Variants in ATP1B2 observed in about 807,000 individuals in gnomAD.
The protein encoded by ATP1B2 is ATPase Na+/K+ transporting subunit beta 2, also known as sodium/potassium-transporting ATPase subunit beta-2.
In ATP1B2, 12 loss-of-function variants were observed where a neutral mutation model predicts 37.3. The observed-to-expected ratio is 0.32, with a 90% CI of 0.21 to 0.52. The LOEUF (loss-of-function observed/expected upper bound fraction) is 0.52, where lower values mean the gene tolerates loss of function less well. ATP1B2 is among the 20% of genes least tolerant of loss of function. ATP1B2 has a pLI of 0.96. For synonymous variants in ATP1B2, 139 were observed against 140.5 expected (o/e 0.99, Z 0.07); for missense variants, 324 against 391.6 (o/e 0.83, Z 1.46).
chr17:7,649,213 C>T (rs1326761444), upstream of ATP1B2, among the ~76,000 whole-genome samples: 4 of 151,722 alleles, frequency 2.6e-5, no homozygotes, highest in African/African-American at 4.8e-5. Flanking sequence ...CCACCGCACC[C>T]GGCTAATTTT....
At position 7,654,476 on chromosome 17, in the gene ATP1B2, C is replaced by T; in HGVS notation, c.553-152C>T. On this transcript the variant is annotated intron_variant, in intron 4 of 6. Coordinates refer to ENST00000250111, the MANE Select transcript of ATP1B2 (RefSeq NM_001678.5). The surrounding 1 kb of genome is among the most constrained non-coding windows in gnomAD (Gnocchi z 4.9). ...TTTTAGACAGGGTCTTGCTATGTTG[C>T]CCAGGCTGGCCTTGAACTCCTGGAA... 1.0e-6 allele frequency: 1 copy of T among 990,706 alleles called. No homozygotes were observed. Among genetic ancestry groups the T allele is most frequent in the East Asian group, 2.4e-5 (1 of 41,880 alleles). The allele number at this position is 990,706 out of a possible 1,614,324, so 61.4% of individuals were successfully genotyped here. A position where few individuals can be genotyped will look rare whatever the true frequency, so the allele number is the denominator to read the frequency against.
At chr17:7,647,674 C>G (rs998424406), upstream of ATP1B2, among the ~76,000 whole-genome samples, 1 of 152,140 alleles carries the variant, frequency 6.6e-6, no homozygotes, top group African/African-American at 2.4e-5. Context: ...CAAAAATTAG[C>G]CAGGCGTGGT....
At position 7,651,425 on chromosome 17, in the gene ATP1B2, C is replaced by G; in HGVS notation, c.-94C>G. The G allele has an allele frequency of 3.4e-6, 4 of 1,164,334 alleles. No homozygotes were observed. The highest frequency in any genetic ancestry group is 3.7e-6 in the Non-Finnish European group (3 of 806,606). 72.1% of individuals were successfully genotyped at this position (1,164,334 alleles called of 1,614,324 possible). A position where few individuals can be genotyped will look rare whatever the true frequency, so the allele number is the denominator to read the frequency against. ...CTTTGCCCGCGCCGCCTTCGCTCCC[C>G]GTGCTTTTGGGTGTGTGGAGGGCTT... On this transcript the variant is annotated 5_prime_UTR_variant, in exon 1 of 7. Coordinates refer to ENST00000250111, the MANE Select transcript of ATP1B2 (RefSeq NM_001678.5).
At chr17:7,649,410 C>G (rs182181853), upstream of ATP1B2, among the ~76,000 whole-genome samples, 1 of 151,280 alleles carries the variant, frequency 6.6e-6, no homozygotes, top group East Asian at 2.0e-4. Context: ...TTTTTTGAGA[C>G]GAAGTCTCAC....
In ATP1B2 at chr17:7,654,739, C is replaced by A; in HGVS notation, c.609+55C>A. 1 of 1,577,548 alleles carries A rather than the reference C, an allele frequency of 6.3e-7. No individual in the cohort carries two copies. Among genetic ancestry groups the A allele is most frequent in the Non-Finnish European group, 8.7e-7 (1 of 1,146,846 alleles). On this transcript the variant is annotated intron_variant, in intron 5 of 6. Transcript: ENST00000250111. The surrounding 1 kb of genome is among the most constrained non-coding windows in gnomAD (Gnocchi z 4.9). ...CACCTGAGTGGCTCACCTGAGTGTCCTTCATGGTTTCTGTGTAATTCACCT... is the reference window on the plus strand; with the variant it reads ...CACCTGAGTGGCTCACCTGAGTGTCATTCATGGTTTCTGTGTAATTCACCT...
In ATP1B2 at chr17:7,655,307, C is replaced by G. The variant is rs2072642618; in HGVS notation, c.610-220C>G. On this transcript the variant is annotated intron_variant, in intron 5 of 6. Transcript: ENST00000250111. This position sits in a 1 kb window ranked among gnomAD's most constrained non-coding sequence, Gnocchi z 4.4. Reference sequence around the variant, plus strand: ...TAGGAGGCTTTCGTGCCATTAGCAGCCTTCAGGAGTTCCTAGAATGATGAC... The same window carrying G: ...TAGGAGGCTTTCGTGCCATTAGCAGGCTTCAGGAGTTCCTAGAATGATGAC... 5.1e-6 allele frequency: 3 copies of G among 590,506 alleles called. No individual in the cohort carries two copies. Among genetic ancestry groups the G allele is most frequent in the Admixed American group, 3.0e-5 (1 of 32,834 alleles). The allele number at this position is 590,506 out of a possible 1,614,324, so 36.6% of individuals were successfully genotyped here. A position where few individuals can be genotyped will look rare whatever the true frequency, so the allele number is the denominator to read the frequency against.
Position 7,654,551 on chromosome 17 carries a change from C to T in ATP1B2, c.553-77C>T, listed in dbSNP as rs1295582528. 9.3e-6 allele frequency: 14 copies of T among 1,504,564 alleles called. No individual in the cohort carries two copies. The South Asian group carries it at 1.5e-4, about 16-fold the overall frequency. 93.2% of individuals were successfully genotyped at this position (1,504,564 alleles called of 1,614,324 possible). On this transcript the variant is annotated intron_variant, in intron 4 of 6. Transcript: ENST00000250111. This position sits in a 1 kb window ranked among gnomAD's most constrained non-coding sequence, Gnocchi z 4.9. ...TCCCTAGTAGTTGGGACTACAGTCC[C>T]CGGCTTAGCTTGGTCTGGATGCCCA...
At chr17:7,653,535 TA>T in intron 2 of ATP1B2, 33 bp downstream of exon 2, 1 of 1,611,538 alleles carries the variant, frequency 6.2e-7, no homozygotes, top group Non-Finnish European at 8.5e-7. Context: ...CCAGCTACTC[TA>T]ACTGCTCTTG....
At position 7,655,871 on chromosome 17, in the gene ATP1B2, C is replaced by T. The variant is rs2072647975; in HGVS notation, c.849C>T (p.Phe283=). Residue 283 remains phenylalanine (F), a synonymous_variant, in exon 7 of 7, where the codon TTC becomes TTT. Transcript: ENST00000250111. The surrounding 1 kb of genome is among the most constrained non-coding windows in gnomAD (Gnocchi z 4.4). The stretch of plus-strand genomic sequence containing the variant: ...ACAAGTTCGCCGGCCGCGTGGCCTT[C>T]AAACTCCGCATCAACAAAACCTGAG... The part of the protein sequence containing the change: ...ERDKFAGRVA[F]KLRINKT 6.2e-7 allele frequency: 1 copy of T among 1,614,058 alleles called. No individual in the cohort carries two copies. Among genetic ancestry groups the T allele is most frequent in the Non-Finnish European group, 8.5e-7 (1 of 1,180,044 alleles).
At position 7,653,474 on chromosome 17, in the gene ATP1B2, C is replaced by G. The variant is rs2072627076; in HGVS notation, c.213C>G (p.Pro71=). ...TGCAGACTGTCTCCGACCATACCCC[C>G]AAGTACCAGGACCGACTGGCCACAC... ...VMLQTVSDHT[P]KYQDRLATPG... Residue 71 remains proline (P), a synonymous_variant, in exon 2 of 7, where the codon CCC becomes CCG. Transcript: ENST00000250111. 3 of 1,614,148 alleles carry G rather than the reference C, an allele frequency of 1.9e-6. No individual in the cohort carries two copies.
In ATP1B2 at chr17:7,654,398, G is replaced by A. The variant is rs2072635899; in HGVS notation, c.552+141G>A. ...GTAGCTGAGAGAAAAAGAGAGGTGG[G>A]ACTCTTGGAGGCTAAGCTCTGCAGT... On this transcript the variant is annotated intron_variant, in intron 4 of 6. Transcript: ENST00000250111. This position sits in a 1 kb window ranked among gnomAD's most constrained non-coding sequence, Gnocchi z 4.9. The A allele has an allele frequency of 1.8e-6, 2 of 1,131,302 alleles. No homozygotes were observed. Among genetic ancestry groups the A allele is most frequent in the African/African-American group, 3.1e-5 (2 of 64,552 alleles). The allele number at this position is 1,131,302 out of a possible 1,614,324, so 70.1% of individuals were successfully genotyped here.
chr17:7,655,694 C>A lies in ATP1B2; in HGVS notation c.709-37C>A, dbSNP rs2072645814. The A allele has an allele frequency of 6.2e-7, 1 of 1,613,742 alleles. No homozygotes were observed. Among genetic ancestry groups the A allele is most frequent in the Non-Finnish European group, 8.5e-7 (1 of 1,179,862 alleles). On this transcript the variant is annotated intron_variant, in intron 6 of 6. Transcript: ENST00000250111. The surrounding 1 kb of genome is among the most constrained non-coding windows in gnomAD (Gnocchi z 4.4). ...TGAGCTAGGGAAGGAGGCCGCGTTG[C>A]CCCAGGCCTAGACCCTGCACTGCTC... is the stretch of plus-strand genomic sequence containing the variant.
chr17:7,649,127 A>G (rs2072593089), upstream of ATP1B2, among the ~76,000 whole-genome samples: 1 of 152,164 alleles, frequency 6.6e-6, no homozygotes, highest in Non-Finnish European at 1.5e-5. Flanking sequence ...ATCTCGGCTC[A>G]CTGCAACCTC....
chr17:7,652,738 G>A (rs1246874967), intron 1 of ATP1B2, among the ~76,000 whole-genome samples: 2 of 152,182 alleles, frequency 1.3e-5, no homozygotes, highest in Non-Finnish European at 2.9e-5. Context: ...CCAAGGGAAG[G>A]CTGTGGGAGA....
upstream of ATP1B2, chr17:7,646,771 A>G (rs1227914579): frequency 2.6e-5 from 4 of 152,232 alleles, no homozygotes; most frequent in Non-Finnish European, 5.9e-5. Context: ...GGACGTGAAC[A>G]TGGAAAAGCT....
rs150919258 is a variant in ATP1B2 at position 7,655,594 on chromosome 17, T to A, written c.677T>A (p.Met226Lys). 1 of 1,614,134 alleles carries A rather than the reference T, an allele frequency of 6.2e-7. No individual in the cohort carries two copies. The highest frequency in any genetic ancestry group is 2.2e-5 in the East Asian group (1 of 44,878). The change falls in exon 6 of 7, where the codon ATG (methionine) becomes AAG (lysine). Residue 226 changes from methionine to lysine, a missense_variant. Met to Lys is a moderately conservative substitution (Grantham distance 95). Coordinates refer to ENST00000250111, the MANE Select transcript of ATP1B2 (RefSeq NM_001678.5). This position sits in a 1 kb window ranked among gnomAD's most constrained non-coding sequence, Gnocchi z 4.4. ...CCCGCCAACGGCAACATCGACCTCA[T>A]GTACTTCCCCTACTATGGCAAAAAG... is the stretch of plus-strand genomic sequence containing the variant. ...MFPANGNIDL[M>K]YFPYYGKKFH... is the part of the protein sequence containing the mutation.
In ATP1B2 at chr17:7,651,250, CTTG is replaced by C; in HGVS notation, c.-266_-264del. On this transcript the variant is annotated 5_prime_UTR_variant, in exon 1 of 7. Coordinates refer to ENST00000250111, the MANE Select transcript of ATP1B2 (RefSeq NM_001678.5). Reference sequence around the variant, plus strand: ...TGAAGCTGCATTCATACCCCTTCCTCTTGTTATTCTCCCCTGCTCTGACAGCAC... The same window carrying C: ...TGAAGCTGCATTCATACCCCTTCCTCTTATTCTCCCCTGCTCTGACAGCAC... The C allele has an allele frequency of 8.6e-6, 4 of 464,326 alleles. No individual in the cohort carries two copies. Among genetic ancestry groups the C allele is most frequent in the South Asian group, 8.4e-5 (4 of 47,572 alleles). 28.8% of individuals were successfully genotyped at this position (464,326 alleles called of 1,614,324 possible).
chr17:7,650,584 C>G (rs900053225), upstream of ATP1B2, among the ~76,000 whole-genome samples: 2 of 152,168 alleles, frequency 1.3e-5, no homozygotes, highest in Admixed American at 1.3e-4. Context: ...GTATCTTAGT[C>G]TCTTTCTAAC....
At chr17:7,648,338 G>A (rs1291792704), upstream of ATP1B2, among the ~76,000 whole-genome samples, 3 of 151,926 alleles carry the variant, frequency 2.0e-5, no homozygotes, top group Non-Finnish European at 4.4e-5. Context: ...AGCACTTTGC[G>A]AGGCCAAGGT....
Sources: allele counts gnomAD v4.1 joint callset (sites outside exome capture counted in the v4.1 genomes callset), GRCh38; gene constraint gnomAD v4.1.1; non-coding constraint Gnocchi (gnomAD v3.1); transcripts MANE v1.5; gene names NCBI Gene and HGNC (gene_info 2026-07-23, HGNC 2026-07-21).